The following SCUBE2 variants were observed in gnomAD, a reference collection of about 807,000 sequenced individuals.
The protein encoded by SCUBE2 is signal peptide, CUB domain and EGF like domain containing 2.
SCUBE2 carries 114 observed loss-of-function variants against 125.9 expected under a neutral mutation model. The ratio of observed to expected loss-of-function variants is 0.91; its 90% CI spans 0.78 to 1.06. The LOEUF (loss-of-function observed/expected upper bound fraction) is 1.06. SCUBE2 is among the 50% of genes least tolerant of loss of function. The pLI, the probability that SCUBE2 is intolerant of heterozygous loss-of-function variation, is 0.00. For missense variants in SCUBE2, 1,255 were observed against 1,301.8 expected (o/e 0.96, Z 0.55); for synonymous variants, 459 against 492.9 (o/e 0.93, Z 0.91).
At chr11:9,046,237 T>C (rs906916834) in intron 16 of SCUBE2, among the ~76,000 whole-genome samples, 22 of 152,048 alleles carry the variant, frequency 1.4e-4, no homozygotes, top group Non-Finnish European at 2.9e-4. Context: ...CTCGATCTCC[T>C]GACCTCGTGA....
chr11:9,064,843 G>A (rs1254907280), intron 7 of SCUBE2: 3 of 152,094 alleles, frequency 2.0e-5, no homozygotes, highest in East Asian at 1.9e-4. Flanking sequence ...TTTAGGTTGA[G>A]CCAGACTTTC....
intron 3 of SCUBE2, 130 bp downstream of exon 3, chr11:9,079,254 T>C (rs528521737): frequency 1.1e-6 from 1 of 920,810 alleles, no homozygotes; most frequent in Non-Finnish European, 1.6e-6. Flanking sequence ...TATCACGGAG[T>C]CTGACTTCCA....
intron 7 of SCUBE2, chr11:9,064,407 A>T (rs558489283): frequency 6.6e-6 from 1 of 151,562 alleles, no homozygotes; most frequent in African/African-American, 2.4e-5. Context: ...CGGAGGTTGC[A>T]GTGAGATATG....
intron 16 of SCUBE2, among the ~76,000 whole-genome samples, chr11:9,046,555 C>T (rs1857798990): frequency 1.3e-5 from 2 of 152,124 alleles, no homozygotes; most frequent in Admixed American, 6.6e-5. Context: ...TGCAGTGTAA[C>T]CCTGAGAGGC....
chr11:9,030,948 G>A lies in SCUBE2; in HGVS notation c.2174-23C>T, dbSNP rs755611052. On this transcript the variant is annotated intron_variant, in intron 17 of 22. Transcript: ENST00000649792. ...GACCTGGAAGGACCAATAGCCTTAC[G>A]TGAGCAAGGCCTCCAGGCAGACCCT... The A allele has an allele frequency of 1.1e-4, 184 of 1,603,984 alleles. 1 individual carries two copies. In the Middle Eastern group the frequency reaches 1.5e-3, roughly 13 times the overall value.
intron 5 of SCUBE2, among the ~76,000 whole-genome samples, chr11:9,067,106 C>G (rs1291002851): frequency 6.6e-6 from 1 of 152,102 alleles, no homozygotes; most frequent in Admixed American, 6.6e-5. Flanking sequence ...GAGATTATAC[C>G]AAGAGATTCT....
At chr11:9,029,615 CT>C (rs1464598544) in intron 19 of SCUBE2, among the ~76,000 whole-genome samples, 1 of 152,214 alleles carries the variant, frequency 6.6e-6, no homozygotes, top group African/African-American at 2.4e-5. Context: ...CAAGGCTGGA[CT>C]AAAATTATGC....
chr11:9,030,454 T>C, intron 18 of SCUBE2: 1 of 427,524 alleles, frequency 2.3e-6, no homozygotes, highest in Non-Finnish European at 4.2e-6. Flanking sequence ...AAGCTCTAGG[T>C]CAGGGCACTG....
chr11:9,085,075 A>G (rs1482192368), intron 2 of SCUBE2, among the ~76,000 whole-genome samples: 1 of 152,194 alleles, frequency 6.6e-6, no homozygotes, highest in Non-Finnish European at 1.5e-5. Context: ...TGACATTAAG[A>G]CAAATGAAGT....
chr11:9,077,877 G>A (rs1564846459), intron 3 of SCUBE2, among the ~76,000 whole-genome samples: 1 of 152,196 alleles, frequency 6.6e-6, no homozygotes, highest in East Asian at 1.9e-4. Flanking sequence ...CTGCCTTCAG[G>A]GTTTCCAAGC....
intron 3 of SCUBE2, 51 bp downstream of exon 3, chr11:9,079,332 GA>G (rs1861445483): frequency 5.6e-6 from 9 of 1,607,906 alleles, no homozygotes; most frequent in Non-Finnish European, 7.7e-6. Flanking sequence ...CCAAGGGAAA[GA>G]AAGGGGTGGG....
intron 7 of SCUBE2, among the ~76,000 whole-genome samples, chr11:9,061,807 A>G (rs1163549169): frequency 1.3e-5 from 2 of 152,198 alleles, no homozygotes; most frequent in Non-Finnish European, 2.9e-5. Flanking sequence ...TCTGGCGTAG[A>G]AGAAAGCTAG....
intron 16 of SCUBE2, among the ~76,000 whole-genome samples, chr11:9,044,356 G>A (rs1361069107): frequency 6.6e-6 from 1 of 152,102 alleles, no homozygotes; most frequent in Non-Finnish European, 1.5e-5. Flanking sequence ...GGACTCAGAT[G>A]ATCCTCCCGC....
At chr11:9,084,210 G>GTCC (rs1861880047) in intron 2 of SCUBE2, among the ~76,000 whole-genome samples, 1 of 152,182 alleles carries the variant, frequency 6.6e-6, no homozygotes, top group Non-Finnish European at 1.5e-5. Flanking sequence ...AATGTGTGGG[G>GTCC]AGCTTCCAAT....
intron 19 of SCUBE2, 106 bp from the exon 20 acceptor site, chr11:9,027,667 G>T (rs1460757605): frequency 1.1e-6 from 1 of 951,592 alleles, no homozygotes; most frequent in Non-Finnish European, 1.6e-6. Context: ...CCAGGAATGG[G>T]GCATGAAAAT....
chr11:9,085,827 GTTTTT>G (rs67816315), intron 2 of SCUBE2, among the ~76,000 whole-genome samples: 269 of 150,020 alleles, frequency 1.8e-3, no homozygotes, highest in African/African-American at 6.4e-3. Flanking sequence ...AATCTCTTTA[GTTTTT>G]TTTTTTTTTT....
At chr11:9,043,157 C>T (rs1377922150) in intron 16 of SCUBE2, among the ~76,000 whole-genome samples, 1 of 152,176 alleles carries the variant, frequency 6.6e-6, no homozygotes, top group African/African-American at 2.4e-5. Flanking sequence ...CTCAAGAACC[C>T]AGGCACTAAA....
At chr11:9,050,538 G>T in intron 14 of SCUBE2, 68 bp downstream of exon 14, 1 of 1,259,556 alleles carries the variant, frequency 7.9e-7, no homozygotes, top group Non-Finnish European at 1.2e-6. Context: ...TGGACCTCCA[G>T]CTCGGCTGGC....
rs746172985 is a variant in SCUBE2 at position 9,048,009 on chromosome 11, T to C, written c.1729A>G (p.Ser577Gly). ...GTGATAAACATTTCCTTAGGGGTGC[T>C]TGGTCGGCCAGGGGCTCCTGGGACT... is the stretch of plus-strand genomic sequence containing the variant. The part of the protein sequence containing the change: ...KQVPGAPGRP[S>G]TPKEMFITVE... The change falls in exon 15 of 23, where the codon AGC becomes GGC. Residue 577 changes from serine (S) to glycine (G), a missense_variant. Transcript: ENST00000649792. The C allele has an allele frequency of 4.1e-5, 66 of 1,614,080 alleles. No homozygotes were observed. The highest frequency in any genetic ancestry group is 5.3e-5 in the Non-Finnish European group (63 of 1,180,022).
Sources: gnomAD v4.1 joint callset for allele counts (sites outside exome capture counted in the v4.1 genomes callset) on GRCh38, gnomAD v4.1.1 for gene constraint, MANE v1.5 for transcripts, NCBI Gene and HGNC (gene_info 2026-07-23, HGNC 2026-07-21) for gene names.